The following OSBPL10 variants were observed in gnomAD, a reference collection of about 807,000 sequenced individuals.
OSBPL10 encodes oxysterol binding protein like 10, also known as oxysterol-binding protein-related protein 10.
OSBPL10 carries 49 observed loss-of-function variants against 81.7 expected under a neutral mutation model. That is an observed-to-expected ratio of 0.60 (90% CI 0.48 to 0.76). The LOEUF (loss-of-function observed/expected upper bound fraction) is 0.76, where lower values mean the gene tolerates loss of function less well. OSBPL10 is among the 30% of genes least tolerant of loss of function. The pLI, the probability that OSBPL10 is intolerant of heterozygous loss-of-function variation, is 0.00. For missense variants in OSBPL10, 923 were observed against 987.8 expected (o/e 0.93, Z 0.88); for synonymous variants, 419 against 383.6 (o/e 1.09, Z -1.08).
At chr3:31,960,137 A>T (rs1030672671) in intron 1 of OSBPL10, 1 of 152,174 alleles carries the variant, frequency 6.6e-6, no homozygotes, top group African/African-American at 2.4e-5. Flanking sequence ...TTAAGAAATT[A>T]CGTACCGAAA....
At chr3:31,928,795 GTATATTTATACCCTTTAAACCC>G (rs1697155851) in intron 1 of OSBPL10, among the ~76,000 whole-genome samples, 1 of 147,206 alleles carries the variant, frequency 6.8e-6, no homozygotes, top group Non-Finnish European at 1.5e-5. Context: ...TGCCCAGAAT[GTATATTTATACCCTTTAAACCC>G]CAACTGGACT....
At chr3:31,845,394 T>C (rs963043265) in intron 3 of OSBPL10, among the ~76,000 whole-genome samples, 7 of 152,218 alleles carry the variant, frequency 4.6e-5, no homozygotes, top group Non-Finnish European at 1.0e-4. Flanking sequence ...AAATTACTTA[T>C]TAAAGTAGGA....
At position 31,756,867 on chromosome 3, in the gene OSBPL10, G is replaced by A. The variant is rs1313338263; in HGVS notation, c.730-8747C>T. Among the ~76,000 whole-genome samples, 108 of 152,096 alleles carry A rather than the reference G, an allele frequency of 7.1e-4. 3 individuals are homozygous for A. The highest frequency in any genetic ancestry group is 6.8e-3 in the Admixed American group (104 of 15,258). On this transcript the variant is annotated intron_variant, in intron 4 of 11. Coordinates refer to ENST00000396556, the MANE Select transcript of OSBPL10 (RefSeq NM_017784.5). ...ATCTTAAATGTTACTATTGCAGGCC[G>A]CAGGCATGACAGGCAATGAGCAGGT...
intron 1 of OSBPL10, among the ~76,000 whole-genome samples, chr3:31,975,832 C>T (rs937009846): frequency 3.8e-4 from 58 of 152,210 alleles, no homozygotes; most frequent in Non-Finnish European, 5.3e-4. Flanking sequence ...TTACTCTACC[C>T]TTACTGTATA....
chr3:31,897,150 A>G (rs1464544369), intron 1 of OSBPL10, among the ~76,000 whole-genome samples: 1 of 152,210 alleles, frequency 6.6e-6, no homozygotes, highest in African/African-American at 2.4e-5. Flanking sequence ...AAAACTTAAA[A>G]CAAAACAAAT....
intron 7 of OSBPL10, among the ~76,000 whole-genome samples, chr3:31,688,266 ATCTC>A (rs72309837): frequency 0.013 from 1,710 of 130,770 alleles, 35 homozygotes; most frequent in African/African-American, 0.044. Context: ...CCCTGCACAA[ATCTC>A]TCTCTCTCTC....
chr3:31,900,194 T>G (rs1033198356), intron 1 of OSBPL10, among the ~76,000 whole-genome samples: 4 of 144,934 alleles, frequency 2.8e-5, no homozygotes, highest in African/African-American at 9.9e-5. Flanking sequence ...AGGCTAATTT[T>G]TGTGGGTTTT....
intron 3 of OSBPL10, among the ~76,000 whole-genome samples, chr3:31,838,835 T>TACC (rs1700426631): frequency 2.6e-5 from 4 of 152,232 alleles, no homozygotes; most frequent in African/African-American, 9.6e-5. Context: ...TTAAATTGTT[T>TACC]ATATGGTTTT....
intron 2 of OSBPL10, among the ~76,000 whole-genome samples, chr3:32,024,337 C>T (rs574383881): frequency 4.6e-5 from 7 of 152,270 alleles, no homozygotes; most frequent in Non-Finnish European, 8.8e-5. Flanking sequence ...TCCAACCCAT[C>T]ACATGATGTT....
intron 5 of OSBPL10, 141 bp downstream of exon 5, chr3:31,747,769 G>A (rs950872370): frequency 4.8e-6 from 4 of 840,348 alleles, no homozygotes; most frequent in South Asian, 1.6e-5. Context: ...CAGTAGAGAC[G>A]AAGGGCAGTA....
intron 5 of OSBPL10, 147 bp downstream of exon 5, chr3:31,747,763 A>AC: frequency 1.3e-6 from 1 of 794,468 alleles, no homozygotes; most frequent in East Asian, 2.5e-5. Context: ...CCCAAACAGT[A>AC]GAGACGAAGG....
intron 6 of OSBPL10, among the ~76,000 whole-genome samples, chr3:31,707,009 A>C (rs1696091668): frequency 6.7e-6 from 1 of 149,426 alleles, no homozygotes; most frequent in South Asian, 2.1e-4. Flanking sequence ...CCTGGCCTTC[A>C]GGTAGCTGGG....
At chr3:31,971,120 C>CGG (rs1328766166) in intron 1 of OSBPL10, among the ~76,000 whole-genome samples, 6 of 135,860 alleles carry the variant, frequency 4.4e-5, no homozygotes, top group Non-Finnish European at 6.3e-5. Context: ...TTTTTTTTTT[C>CGG]TGTTTTTTTT....
intron 6 of OSBPL10, among the ~76,000 whole-genome samples, chr3:31,731,827 T>C (rs1575506695): frequency 3.9e-5 from 6 of 152,310 alleles, no homozygotes; most frequent in Admixed American, 3.9e-4. Context: ...ATGCTAATTT[T>C]TTTTGCCAAT....
In OSBPL10 at chr3:31,762,630, A is replaced by ATTTTTTTTTTTTTTTTTTTTTTTTTTTT. The variant is rs56311731; in HGVS notation, c.730-14511_730-14510insAAAAAAAAAAAAAAAAAAAAAAAAAAAA. The stretch of plus-strand genomic sequence containing the variant: ...GCCTATGCACAACACCATGCCCAGC[A>ATTTTTTTTTTTTTTTTTTTTTTTTTTTT]TTTTTTTTTTTTTTTTTTTGTAGAG... On this transcript the variant is annotated intron_variant, in intron 4 of 11. Transcript: ENST00000396556. Among the ~76,000 whole-genome samples the ATTTTTTTTTTTTTTTTTTTTTTTTTTTT allele has an allele frequency of 1.5e-4, 9 of 61,482 alleles. 1 individual carries two copies. The highest frequency in any genetic ancestry group is 2.4e-4 in the Admixed American group (1 of 4,148). 40.3% of individuals were successfully genotyped at this position (61,482 alleles called of 152,430 possible). A position where few individuals can be genotyped will look rare whatever the true frequency, so the allele number is the denominator to read the frequency against.
At chr3:31,808,944 C>T (rs528207684) in intron 4 of OSBPL10, among the ~76,000 whole-genome samples, 180 of 152,282 alleles carry the variant, frequency 1.2e-3, no homozygotes, top group Non-Finnish European at 1.9e-3. Context: ...TTCTGGACTT[C>T]GTAAAACTCT....
chr3:31,819,497 G>C (rs1366516643), intron 4 of OSBPL10, among the ~76,000 whole-genome samples: 1 of 152,218 alleles, frequency 6.6e-6, no homozygotes, highest in Admixed American at 6.5e-5. Flanking sequence ...ACTCATCCAA[G>C]TGAATAAATT....
chr3:31,704,011 A>T (rs189832175), intron 6 of OSBPL10: 4 of 152,304 alleles, frequency 2.6e-5, no homozygotes, highest in Non-Finnish European at 5.9e-5. Context: ...CTGATTCTAC[A>T]CTGGGAAGTT....
intron 1 of OSBPL10, among the ~76,000 whole-genome samples, chr3:31,923,727 C>T (rs1391046749): frequency 1.3e-5 from 2 of 152,130 alleles, no homozygotes; most frequent in African/African-American, 2.4e-5. Context: ...GTTGAGACTA[C>T]AGTGAGTTAT....
Sources: allele counts gnomAD v4.1 joint callset (sites outside exome capture counted in the v4.1 genomes callset), GRCh38; gene constraint gnomAD v4.1.1; transcripts MANE v1.5; gene names NCBI Gene and HGNC (gene_info 2026-07-23, HGNC 2026-07-21).